IQCH: variants seen among roughly 807,000 people sequenced by gnomAD.
The protein encoded by IQCH is IQ domain-containing protein H.
IQCH carries 98 observed loss-of-function variants against 117.0 expected under a neutral mutation model. The ratio of observed to expected loss-of-function variants is 0.84; its 90% CI spans 0.71 to 0.99. IQCH has a LOEUF of 0.99. Ranked by LOEUF, IQCH falls within the 50% of genes least tolerant of loss-of-function variation. The probability of loss-of-function intolerance (pLI) is 0.00; values close to 1 mark genes in which losing one functional copy is unlikely to be tolerated. For missense variants in IQCH, 1,102 were observed against 1,243.8 expected, an observed-to-expected ratio of 0.89 and a Z score of 1.72; for synonymous variants, 412 against 448.2, an observed-to-expected ratio of 0.92 and a Z score of 1.02.
At chr15:67,464,125 A>C (rs182095718) in intron 16 of IQCH, among the ~76,000 whole-genome samples, 2 of 152,176 alleles carry the variant, frequency 1.3e-5, no homozygotes, top group Admixed American at 6.5e-5. Flanking sequence ...CACCGTGCCC[A>C]GCCTGTCTTC....
At chr15:67,415,621 C>T (rs1243704507) in intron 14 of IQCH, among the ~76,000 whole-genome samples, 2 of 152,134 alleles carry the variant, frequency 1.3e-5, no homozygotes, top group African/African-American at 4.8e-5. Flanking sequence ...GTGAGCAGTG[C>T]ATAGAGGACA....
rs1203469556 is a variant in IQCH, at chr15:67,500,895, T to C, written c.*149T>C. On this transcript the variant is annotated 3_prime_UTR_variant, in exon 21 of 21. Coordinates refer to ENST00000335894, the MANE Select transcript of IQCH (RefSeq NM_001031715.3). This position sits in a 1 kb window ranked among gnomAD's most constrained non-coding sequence, Gnocchi z 4.4. ...ACAGATTATAATGAAATGCTCTTTT[T>C]AAAACATTGTTTATTAAGTGATCTT... 1 of 431,840 alleles carries C rather than the reference T, an allele frequency of 2.3e-6. No homozygotes were observed. The highest frequency in any genetic ancestry group is 4.2e-6 in the Non-Finnish European group (1 of 236,256). The allele number at this position is 431,840 out of a possible 1,614,324, so 26.8% of individuals were successfully genotyped here.
At chr15:67,397,980 C>T (rs1190272332) in intron 13 of IQCH, among the ~76,000 whole-genome samples, 1 of 152,144 alleles carries the variant, frequency 6.6e-6, no homozygotes, top group Admixed American at 6.5e-5. Flanking sequence ...TTTTAAAGCA[C>T]TGTTCAATTT....
intron 4 of IQCH, among the ~76,000 whole-genome samples, chr15:67,288,844 CAGAA>C (rs1966657976): frequency 6.6e-6 from 1 of 152,054 alleles, no homozygotes; most frequent in Non-Finnish European, 1.5e-5. Flanking sequence ...TCATCTGAGA[CAGAA>C]AGAAGCACTG....
At position 67,418,554 on chromosome 15, in the gene IQCH, A is replaced by ACACACACACACAC. The variant is rs1393744743; in HGVS notation, c.2218+1503_2218+1504insCACACACACACAC. On this transcript the variant is annotated intron_variant, in intron 15 of 20. Coordinates refer to ENST00000335894, the MANE Select transcript of IQCH (RefSeq NM_001031715.3). ...ACACACACACACACACACACACACA[A>ACACACACACACAC]GATCAATAATAGGGTGTTTTTACTT... Among the ~76,000 whole-genome samples, 6 of 28,426 alleles carry ACACACACACACAC rather than the reference A, an allele frequency of 2.1e-4. No homozygotes were observed. The East Asian group carries it at 2.4e-3, about 11-fold the overall frequency. 18.6% of individuals were successfully genotyped at this position (28,426 alleles called of 152,430 possible).
intron 4 of IQCH, among the ~76,000 whole-genome samples, chr15:67,315,425 T>A (rs1171007222): frequency 6.6e-6 from 1 of 152,118 alleles, no homozygotes; most frequent in Non-Finnish European, 1.5e-5. Context: ...AAATTCTGAC[T>A]CTCCAATTCA....
At position 67,493,127 on chromosome 15, in the gene IQCH, C is replaced by T. The variant is rs930838115; in HGVS notation, c.2862-1131C>T. Among the ~76,000 whole-genome samples the T allele has an allele frequency of 2.6e-5, 4 of 152,176 alleles. No individual in the cohort carries two copies. The highest frequency in any genetic ancestry group is 5.9e-5 in the Non-Finnish European group (4 of 68,022). On this transcript the variant is annotated intron_variant, in intron 19 of 20. Coordinates refer to ENST00000335894, the MANE Select transcript of IQCH (RefSeq NM_001031715.3). This position sits in a 1 kb window ranked among gnomAD's most constrained non-coding sequence, Gnocchi z 5.1. ...GAGGGCACAGTTGACATGGACCTCT[C>T]GAAAGCCTTTAGTCCTTTTCTACTG...
intron 4 of IQCH, among the ~76,000 whole-genome samples, chr15:67,309,573 C>T (rs1967483132): frequency 1.3e-5 from 2 of 151,930 alleles, no homozygotes; most frequent in African/African-American, 2.4e-5. Flanking sequence ...TTGCTGGCTC[C>T]TAGTAGGCCT....
Position 67,395,248 on chromosome 15 carries a change from A to G in IQCH, c.1633-43A>G, listed in dbSNP as rs746700819. The stretch of plus-strand genomic sequence containing the variant: ...TTATAAATTAGGTGTATGGACTAGA[A>G]AAAAGGACACCTTTTAACAAGAATA... On this transcript the variant is annotated intron_variant, in intron 12 of 20. Transcript: ENST00000335894. The surrounding 1 kb of genome is among the most constrained non-coding windows in gnomAD (Gnocchi z 4.0). 2.7e-5 allele frequency: 42 copies of G among 1,583,276 alleles called. No homozygotes were observed. The highest frequency in any genetic ancestry group is 3.6e-5 in the Non-Finnish European group (42 of 1,164,240).
At chr15:67,297,718 C>A (rs1376669575) in intron 4 of IQCH, among the ~76,000 whole-genome samples, 1 of 152,160 alleles carries the variant, frequency 6.6e-6, no homozygotes, top group African/African-American at 2.4e-5. Context: ...ACAAGGTCCA[C>A]ACATTATAAT....
At chr15:67,315,662 C>A (rs1967810790) in intron 4 of IQCH, among the ~76,000 whole-genome samples, 1 of 152,066 alleles carries the variant, frequency 6.6e-6, no homozygotes, top group Admixed American at 6.6e-5. Context: ...TTAATCATTG[C>A]CTTCCTTTTT....
chr15:67,261,821 C>T (rs1965474080), intron 2 of IQCH, among the ~76,000 whole-genome samples: 1 of 152,144 alleles, frequency 6.6e-6, no homozygotes, highest in Non-Finnish European at 1.5e-5. Context: ...CACAGTAGTG[C>T]AGGCCTGTAA....
chr15:67,316,681 G>A (rs1298744584), intron 4 of IQCH, among the ~76,000 whole-genome samples: 1 of 152,172 alleles, frequency 6.6e-6, no homozygotes, highest in African/African-American at 2.4e-5. Flanking sequence ...TAAGAGGTAA[G>A]TACTATTCCT....
Position 67,475,364 on chromosome 15 carries a change from G to A in IQCH, c.2677-332G>A, listed in dbSNP as rs900622917. On this transcript the variant is annotated intron_variant, in intron 17 of 20. Transcript: ENST00000335894. This position sits in a 1 kb window ranked among gnomAD's most constrained non-coding sequence, Gnocchi z 5.7. ...GTGGTGGCATGCACCTGTAGTCCCA[G>A]CTACTTGGGAGGCTGAAGCAGGAGG... Among the ~76,000 whole-genome samples, 1 of 152,152 alleles carries A rather than the reference G, an allele frequency of 6.6e-6. No homozygotes were observed. The highest frequency in any genetic ancestry group is 2.1e-4 in the South Asian group (1 of 4,822).
intron 3 of IQCH, among the ~76,000 whole-genome samples, chr15:67,264,336 A>C (rs1965580652): frequency 6.6e-6 from 1 of 152,252 alleles, no homozygotes; most frequent in African/African-American, 2.4e-5. Flanking sequence ...AAATACTTAC[A>C]GTTTTTATGG....
intron 3 of IQCH, among the ~76,000 whole-genome samples, chr15:67,271,653 A>G (rs1218452924): frequency 6.6e-6 from 1 of 152,086 alleles, no homozygotes; most frequent in Non-Finnish European, 1.5e-5. Flanking sequence ...GTAGGTTGTA[A>G]GTGTCCAGGA....
rs190142711 is a variant in IQCH, at chr15:67,331,173, A to C, written c.388-5802A>C. On this transcript the variant is annotated intron_variant, in intron 4 of 20. Coordinates refer to ENST00000335894, the MANE Select transcript of IQCH (RefSeq NM_001031715.3). ...TTTTCTCCAAGTCAGTATTTCACCC[A>C]CAGCTAACGAAAGCAAGGGAGGGGA... 5.9e-3 allele frequency among the ~76,000 whole-genome samples: 895 copies of C among 152,262 alleles called. 9 individuals carry two copies. The highest frequency in any genetic ancestry group is 0.021 in the African/African-American group (861 of 41,550).
At chr15:67,336,560 G>A (rs1037670086) in intron 4 of IQCH, among the ~76,000 whole-genome samples, 2 of 152,076 alleles carry the variant, frequency 1.3e-5, no homozygotes, top group Non-Finnish European at 2.9e-5. Flanking sequence ...TATCTTTTAA[G>A]TCTTCCAGGT....
At chr15:67,343,167 G>A (rs559766666) in intron 5 of IQCH, among the ~76,000 whole-genome samples, 1 of 152,128 alleles carries the variant, frequency 6.6e-6, no homozygotes, top group Non-Finnish European at 1.5e-5. Context: ...GGACCAAGTT[G>A]TGTGCCAAAT....
Sources: allele counts gnomAD v4.1 joint callset (sites outside exome capture counted in the v4.1 genomes callset), GRCh38; gene constraint gnomAD v4.1.1; non-coding constraint Gnocchi (gnomAD v3.1); transcripts MANE v1.5; gene names NCBI Gene and HGNC (gene_info 2026-07-23, HGNC 2026-07-21).